Variants in FBXO38 observed in about 807,000 individuals in gnomAD.
FBXO38 encodes the protein F-box only protein 38.
In FBXO38, 53 loss-of-function variants were observed where a neutral mutation model predicts 131.9. The observed-to-expected ratio is 0.40, with a 90% CI of 0.32 to 0.51. The LOEUF (loss-of-function observed/expected upper bound fraction) is 0.51. Ranked by LOEUF, FBXO38 falls within the 20% of genes least tolerant of loss-of-function variation. FBXO38 has a pLI of 0.53. For missense variants in FBXO38, 1,076 were observed against 1,475.6 expected (o/e 0.73, Z 4.44); for synonymous variants, 452 against 505.6 (o/e 0.89, Z 1.42).
intron 1 of FBXO38, among the ~76,000 whole-genome samples, chr5:148,388,466 G>A (rs541188269): frequency 2.4e-4 from 36 of 152,174 alleles, no homozygotes; most frequent in Non-Finnish European, 3.8e-4. Flanking sequence ...AAGGCTGTAC[G>A]TACTGAAAAT....
At chr5:148,399,930 TAAAA>T (rs879387243) in intron 3 of FBXO38, among the ~76,000 whole-genome samples, 1 of 143,980 alleles carries the variant, frequency 6.9e-6, no homozygotes, top group Non-Finnish European at 1.5e-5. Context: ...AAAATAAAAA[TAAAA>T]AAAAAAGCCT....
intron 18 of FBXO38, among the ~76,000 whole-genome samples, chr5:148,439,014 C>G (rs1427109430): frequency 2.6e-5 from 4 of 152,066 alleles, no homozygotes; most frequent in African/African-American, 9.7e-5. Context: ...GTGTGTAAGC[C>G]TGGCCTCAAA....
At chr5:148,412,624 G>A (rs1380269341) in intron 9 of FBXO38, among the ~76,000 whole-genome samples, 1 of 152,084 alleles carries the variant, frequency 6.6e-6, no homozygotes, top group Non-Finnish European at 1.5e-5. Context: ...CCTAGCCCTA[G>A]AGTTCTAGCA....
intron 12 of FBXO38, among the ~76,000 whole-genome samples, chr5:148,420,130 T>TGGGCA: frequency 6.6e-6 from 1 of 151,010 alleles, no homozygotes; most frequent in African/African-American, 2.4e-5. Context: ...TTGTGGGGTT[T>TGGGCA]TTTTTTTTTT....
At chr5:148,393,188 G>GGTGTGTGTGTGT (rs60593654) in intron 1 of FBXO38, among the ~76,000 whole-genome samples, 3,937 of 127,008 alleles carry the variant, frequency 0.031, 113 homozygotes, top group African/African-American at 0.039. Flanking sequence ...ACAGAAGAGG[G>GGTGTGTGTGTGT]GTGTGTGTGT....
rs1752348812 is a variant in FBXO38, at chr5:148,404,832, C to T, written c.730+10C>T. 1 of 1,586,322 alleles carries T rather than the reference C, an allele frequency of 6.3e-7. No individual in the cohort carries two copies. The highest frequency in any genetic ancestry group is 1.4e-5 in the African/African-American group (1 of 73,326). On this transcript the variant is annotated intron_variant, in intron 6 of 21. Transcript: ENST00000340253. ...ATGAGGAACTGTGCAGGTAATGGTACACAATTATGGTGGAATTAAACATAA... is the reference window on the plus strand; with the variant it reads ...ATGAGGAACTGTGCAGGTAATGGTATACAATTATGGTGGAATTAAACATAA...
At chr5:148,433,132 T>C (rs1754130067) in intron 15 of FBXO38, 2 of 255,640 alleles carry the variant, frequency 7.8e-6, no homozygotes, top group Admixed American at 1.0e-4. Context: ...ACCAATAGTA[T>C]TTAGGATGGG....
At chr5:148,401,126 G>T (rs1752128175) in intron 3 of FBXO38, among the ~76,000 whole-genome samples, 1 of 152,096 alleles carries the variant, frequency 6.6e-6, no homozygotes, top group African/African-American at 2.4e-5. Flanking sequence ...GTTCTTGACA[G>T]TTAATGTTTT....
chr5:148,412,199 C>G (rs1039235509), intron 9 of FBXO38, among the ~76,000 whole-genome samples: 2 of 152,138 alleles, frequency 1.3e-5, no homozygotes, highest in Non-Finnish European at 2.9e-5. Flanking sequence ...TTTGTACATT[C>G]ATTTTCTTAT....
At chr5:148,441,065 C>A in intron 20 of FBXO38, 59 bp from the exon 21 acceptor site, 2 of 1,084,432 alleles carry the variant, frequency 1.8e-6, no homozygotes, top group Non-Finnish European at 2.9e-6. Context: ...CAAAATACTG[C>A]AGAATTTGGC....
intron 14 of FBXO38, 62 bp downstream of exon 14, chr5:148,425,763 C>CA: frequency 7.0e-7 from 1 of 1,433,926 alleles, no homozygotes; most frequent in East Asian, 2.3e-5. Context: ...ACACACTTGG[C>CA]CTTAATATGA....
chr5:148,391,709 C>G (rs1275301511), intron 1 of FBXO38, among the ~76,000 whole-genome samples: 3 of 152,090 alleles, frequency 2.0e-5, no homozygotes, highest in African/African-American at 7.2e-5. Context: ...TCCTTGTAGG[C>G]CGATTGTTTT....
chr5:148,407,903 TGA>T (rs770358339), intron 7 of FBXO38, among the ~76,000 whole-genome samples: 11 of 151,096 alleles, frequency 7.3e-5, no homozygotes, highest in Non-Finnish European at 1.2e-4. Flanking sequence ...CCAGCCTGGG[TGA>T]GAGAGTGAGA....
chr5:148,393,188 G>GGTGGGTGTGTGT (rs1554077289), intron 1 of FBXO38, among the ~76,000 whole-genome samples: 3 of 127,082 alleles, frequency 2.4e-5, no homozygotes, highest in Non-Finnish European at 4.9e-5. Context: ...ACAGAAGAGG[G>GGTGGGTGTGTGT]GTGTGTGTGT....
At chr5:148,432,411 T>C (rs973655121) in intron 15 of FBXO38, among the ~76,000 whole-genome samples, 3 of 152,192 alleles carry the variant, frequency 2.0e-5, no homozygotes, top group African/African-American at 7.2e-5. Context: ...AGACGAAAGA[T>C]TGCAGGTTTT....
At chr5:148,419,253 G>A (rs879241278) in intron 12 of FBXO38, among the ~76,000 whole-genome samples, 2 of 152,224 alleles carry the variant, frequency 1.3e-5, no homozygotes, top group Admixed American at 1.3e-4. Context: ...CATTTGTAGA[G>A]AAATGAAGAT....
At chr5:148,392,758 G>T (rs1413512940) in intron 1 of FBXO38, among the ~76,000 whole-genome samples, 1 of 152,042 alleles carries the variant, frequency 6.6e-6, no homozygotes, top group Non-Finnish European at 1.5e-5. Flanking sequence ...GGAGCCAAAG[G>T]ATGAGAGGGT....
intron 21 of FBXO38, chr5:148,441,543 G>T (rs1440599170): frequency 1.3e-5 from 3 of 227,148 alleles, no homozygotes; most frequent in Non-Finnish European, 2.5e-5. Flanking sequence ...TTTCAAAATT[G>T]TTCCAATTGT....
At chr5:148,435,134 A>G (rs1754270159) in intron 17 of FBXO38, 1 of 152,208 alleles carries the variant, frequency 6.6e-6, no homozygotes, top group Non-Finnish European at 1.5e-5. Flanking sequence ...TTATTCAGAG[A>G]TGCTAACAAT....
Sources: allele counts gnomAD v4.1 joint callset (sites outside exome capture counted in the v4.1 genomes callset), GRCh38; gene constraint gnomAD v4.1.1; transcripts MANE v1.5; gene names NCBI Gene and HGNC (gene_info 2026-07-23, HGNC 2026-07-21).